PLD5: variants seen among roughly 807,000 people sequenced by gnomAD.
PLD5 encodes the protein inactive phospholipase D5.
Under a neutral mutation model 61.1 loss-of-function variants are expected in PLD5, and 36 were observed. The observed-to-expected ratio is 0.59, with a 90% CI of 0.45 to 0.78. The LOEUF (loss-of-function observed/expected upper bound fraction) is 0.78. PLD5 is among the 30% of genes least tolerant of loss of function. PLD5 has a pLI of 0.00. For synonymous variants in PLD5, 243 were observed against 242.8 expected, an observed-to-expected ratio of 1.00 and a Z score of -0.01; for missense variants, 515 against 644.4, an observed-to-expected ratio of 0.80 and a Z score of 2.17.
rs1462942277 is a variant in PLD5, at chr1:242,348,133, G to C, written c.299C>G (p.Ser100Ter). Residue 100 changes from serine to a stop codon, truncating the protein, a stop_gained, in exon 2 of 10, where the codon TCA (serine) becomes TGA (stop). Transcript: ENST00000536534. LOFTEE classifies it high-confidence loss of function. ...ACATTTATTTTGGCAATTTTTTTCT[G>C]AGAGTCCATCCTCATCCTCTCCCAT... ...DIMGEDEDGL[S>*]EKNCQNKCRI... 6.2e-7 allele frequency: 1 copy of C among 1,612,430 alleles called. No individual in the cohort carries two copies.
intron 5 of PLD5, among the ~76,000 whole-genome samples, chr1:242,159,540 G>C (rs1665658900): frequency 6.6e-6 from 1 of 152,052 alleles, no homozygotes; most frequent in African/African-American, 2.4e-5. Flanking sequence ...CTGTGTTTAT[G>C]GTTCTCCGAG....
intron 5 of PLD5, among the ~76,000 whole-genome samples, chr1:242,148,868 C>A (rs1248184329): frequency 6.6e-6 from 1 of 151,838 alleles, no homozygotes; most frequent in Non-Finnish European, 1.5e-5. Context: ...GTATACTGAT[C>A]TTATATCATA....
At chr1:242,223,701 C>A (rs927191086) in intron 4 of PLD5, among the ~76,000 whole-genome samples, 7 of 152,124 alleles carry the variant, frequency 4.6e-5, no homozygotes, top group African/African-American at 1.7e-4. Flanking sequence ...ATTTATGATA[C>A]ATCTGAAAAA....
At chr1:242,253,912 A>G (rs1672862562) in intron 4 of PLD5, among the ~76,000 whole-genome samples, 1 of 152,240 alleles carries the variant, frequency 6.6e-6, no homozygotes, top group Admixed American at 6.5e-5. Context: ...AACACATTGA[A>G]TTGCAGACTT....
chr1:242,146,939 T>C (rs1664586833), intron 5 of PLD5, among the ~76,000 whole-genome samples: 1 of 152,206 alleles, frequency 6.6e-6, no homozygotes, highest in South Asian at 2.1e-4. Context: ...TCAAAACTAA[T>C]GTTTAGGTGA....
At chr1:242,309,866 G>C (rs1182913171) in intron 2 of PLD5, among the ~76,000 whole-genome samples, 1 of 146,770 alleles carries the variant, frequency 6.8e-6, no homozygotes, top group Non-Finnish European at 1.5e-5. Flanking sequence ...AATTTATTGA[G>C]TTTTTTTATT....
intron 2 of PLD5, among the ~76,000 whole-genome samples, chr1:242,344,061 T>C (rs1659992054): frequency 6.6e-6 from 1 of 152,144 alleles, no homozygotes; most frequent in Admixed American, 6.5e-5. Context: ...GGAAATCAGA[T>C]TGCTATCTCT....
intron 1 of PLD5, chr1:242,376,868 A>T: frequency 1.3e-6 from 2 of 1,519,160 alleles, no homozygotes; most frequent in Non-Finnish European, 1.8e-6. Flanking sequence ...TTGTAACAAA[A>T]ATGTCTTTTT....
chr1:242,163,189 G>A (rs1665999863), intron 5 of PLD5, among the ~76,000 whole-genome samples: 2 of 146,052 alleles, frequency 1.4e-5, no homozygotes, highest in Admixed American at 1.4e-4. Context: ...TGTCACCCAG[G>A]CTGGAGTGCA....
rs1268166519 is a variant in PLD5 at position 242,089,584 on chromosome 1, G to A, written c.*270C>T. 7 of 545,370 alleles carry A rather than the reference G, an allele frequency of 1.3e-5. No individual in the cohort carries two copies. The highest frequency in any genetic ancestry group is 1.9e-5 in the Non-Finnish European group (6 of 314,444). 33.8% of individuals were successfully genotyped at this position (545,370 alleles called of 1,614,324 possible). A position where few individuals can be genotyped will look rare whatever the true frequency, so the allele number is the denominator to read the frequency against. ...TCTAAAACTAGAAAGGAGCAGGAAT[G>A]AAAGTCTTAAAATTTGTATGCAAAC... On this transcript the variant is annotated 3_prime_UTR_variant, in exon 10 of 10. Coordinates refer to ENST00000536534, the MANE Select transcript of PLD5 (RefSeq NM_001372062.1).
At chr1:242,429,237 T>A (rs909847244) in intron 1 of PLD5, among the ~76,000 whole-genome samples, 1 of 152,200 alleles carries the variant, frequency 6.6e-6, no homozygotes, top group African/African-American at 2.4e-5. Context: ...AACTTTAACA[T>A]CTGCCAAAGA....
intron 6 of PLD5, 124 bp downstream of exon 6, chr1:242,124,344 G>A (rs769511025): frequency 4.2e-5 from 36 of 861,242 alleles, no homozygotes; most frequent in Non-Finnish European, 5.6e-5. Flanking sequence ...AACTCTTCAC[G>A]TCATGGGATA....
intron 5 of PLD5, among the ~76,000 whole-genome samples, chr1:242,165,250 A>T (rs540583470): frequency 6.6e-6 from 1 of 152,288 alleles, no homozygotes; most frequent in East Asian, 1.9e-4. Context: ...ATATTTCTAG[A>T]ACAAGCTACT....
At chr1:242,442,038 T>C (rs1412100954) in intron 1 of PLD5, among the ~76,000 whole-genome samples, 1 of 152,218 alleles carries the variant, frequency 6.6e-6, no homozygotes, top group Non-Finnish European at 1.5e-5. Context: ...GCATTCTCTC[T>C]GCCACCTCTC....
chr1:242,179,985 C>T (rs1203790703), intron 5 of PLD5, among the ~76,000 whole-genome samples: 2 of 151,906 alleles, frequency 1.3e-5, no homozygotes, highest in African/African-American at 4.8e-5. Flanking sequence ...GAGCTATTTT[C>T]AGTGTTTCAA....
intron 1 of PLD5, among the ~76,000 whole-genome samples, chr1:242,381,470 C>G (rs934983318): frequency 1.1e-4 from 16 of 152,084 alleles, no homozygotes; most frequent in Non-Finnish European, 5.9e-5. Context: ...GATGGTTGAT[C>G]TGTACAGCAA....
rs530154460 is a variant in PLD5 at position 242,118,338 on chromosome 1, C to T, written c.934-4312G>A. ...GTTCCATGCCCCTCTTCTGTGCGTG[C>T]TTTCATTCAATCAGCAAATATTCCT... On this transcript the variant is annotated intron_variant, in intron 6 of 9. Coordinates refer to ENST00000536534, the MANE Select transcript of PLD5 (RefSeq NM_001372062.1). Among the ~76,000 whole-genome samples the T allele has an allele frequency of 7.9e-5, 12 of 152,304 alleles. No homozygotes were observed. In the East Asian group the frequency reaches 1.9e-3, roughly 24 times the overall value.
chr1:242,127,647 C>T (rs1274240637), intron 5 of PLD5, among the ~76,000 whole-genome samples: 1 of 151,390 alleles, frequency 6.6e-6, no homozygotes. Context: ...ACTTTGGGGA[C>T]TTGGGAGACA....
At chr1:242,313,360 T>C (rs1348209643) in intron 2 of PLD5, among the ~76,000 whole-genome samples, 1 of 152,228 alleles carries the variant, frequency 6.6e-6, no homozygotes, top group East Asian at 1.9e-4. Flanking sequence ...ATATGTTACT[T>C]AACATATGAG....
Sources: gnomAD v4.1 joint callset for allele counts (sites outside exome capture counted in the v4.1 genomes callset) on GRCh38, gnomAD v4.1.1 for gene constraint, MANE v1.5 for transcripts, NCBI Gene and HGNC (gene_info 2026-07-23, HGNC 2026-07-21) for gene names.